The following MAGI2 variants were observed in gnomAD, a reference collection of about 807,000 sequenced individuals.
MAGI2 encodes the protein membrane associated guanylate kinase, WW and PDZ domain containing 2, also known as membrane-associated guanylate kinase, WW and PDZ domain-containing protein 2.
In MAGI2, 35 loss-of-function variants were observed where a neutral mutation model predicts 133.3. That is an observed-to-expected ratio of 0.26 (90% CI 0.20 to 0.35). The LOEUF is 0.35. Among genes scored for constraint, MAGI2 ranks in the 10% least tolerant of loss-of-function variants. The probability of loss-of-function intolerance (pLI) is 1.00; values close to 1 mark genes in which losing one functional copy is unlikely to be tolerated. For missense variants in MAGI2, 1,636 were observed against 1,863.4 expected, an observed-to-expected ratio of 0.88 and a Z score of 2.25; for synonymous variants, 729 against 710.6, an observed-to-expected ratio of 1.03 and a Z score of -0.41.
At chr7:78,719,052 C>T (rs1820000824) in intron 2 of MAGI2, among the ~76,000 whole-genome samples, 1 of 152,158 alleles carries the variant, frequency 6.6e-6, no homozygotes, top group Non-Finnish European at 1.5e-5. Flanking sequence ...ATGTTGCATC[C>T]TTATGTCTGT....
chr7:78,573,964 C>T (rs1047362741), intron 3 of MAGI2, among the ~76,000 whole-genome samples: 2 of 152,112 alleles, frequency 1.3e-5, no homozygotes, highest in African/African-American at 2.4e-5. Flanking sequence ...AAGCCCTGCC[C>T]CTGGGTATGC....
In MAGI2 at chr7:78,285,051, C is replaced by T. The variant is rs187441508; in HGVS notation, c.1409-28470G>A. Among the ~76,000 whole-genome samples the T allele has an allele frequency of 3.3e-4, 50 of 152,224 alleles. 1 individual carries two copies. The highest frequency in any genetic ancestry group is 2.0e-3 in the Admixed American group (30 of 15,270). On this transcript the variant is annotated intron_variant, in intron 9 of 21. Coordinates refer to ENST00000354212, the MANE Select transcript of MAGI2 (RefSeq NM_012301.4). ...CGGACACTCTGAATGGTTTAACAGC[C>T]GGTGAGTAACTTTGACAACTTAGGA...
chr7:78,835,232 C>T (rs143364826), intron 2 of MAGI2, among the ~76,000 whole-genome samples: 41 of 152,268 alleles, frequency 2.7e-4, no homozygotes, highest in Non-Finnish European at 4.7e-4. Flanking sequence ...CAAATCCTCA[C>T]GAACATTTAT....
At chr7:78,057,059 A>ATT (rs1812653903) in intron 21 of MAGI2, among the ~76,000 whole-genome samples, 2 of 122,924 alleles carry the variant, frequency 1.6e-5, no homozygotes, top group Non-Finnish European at 1.7e-5. Flanking sequence ...ATATATATAA[A>ATT]TTATATATAT....
At chr7:78,979,156 T>C (rs1308175497) in intron 2 of MAGI2, among the ~76,000 whole-genome samples, 1 of 151,818 alleles carries the variant, frequency 6.6e-6, no homozygotes, top group Admixed American at 6.6e-5. Context: ...TTTTGCTCTG[T>C]TATGTAACAG....
chr7:78,222,299 A>T (rs1174925243), intron 10 of MAGI2, among the ~76,000 whole-genome samples: 2 of 152,178 alleles, frequency 1.3e-5, no homozygotes, highest in African/African-American at 4.8e-5. Context: ...TACACAATCT[A>T]TCAGTAAGTT....
In MAGI2 at chr7:79,099,554, T is replaced by G. The variant is rs186748795; in HGVS notation, c.302-92348A>C. Among the ~76,000 whole-genome samples, 12 of 152,314 alleles carry G rather than the reference T, an allele frequency of 7.9e-5. No individual in the cohort carries two copies. In the Middle Eastern group the frequency reaches 0.017, roughly 216 times the overall value. ...TAAATTGCTTGTCATAAGGGATGGA[T>G]GTACAGATTATTTCACCACTCAGGT... On this transcript the variant is annotated intron_variant, in intron 1 of 21. Coordinates refer to ENST00000354212, the MANE Select transcript of MAGI2 (RefSeq NM_012301.4).
At chr7:79,033,812 T>C (rs1018661227) in intron 1 of MAGI2, among the ~76,000 whole-genome samples, 3 of 152,146 alleles carry the variant, frequency 2.0e-5, no homozygotes, top group African/African-American at 7.2e-5. Flanking sequence ...CCAGTGGTAG[T>C]GGGTGAAGTG....
chr7:79,046,514 C>T (rs777796227), intron 1 of MAGI2, among the ~76,000 whole-genome samples: 9 of 152,144 alleles, frequency 5.9e-5, no homozygotes, highest in African/African-American at 9.7e-5. Flanking sequence ...AAGTAATACA[C>T]GTGATATCTC....
chr7:79,088,685 T>C (rs934882932), intron 1 of MAGI2, among the ~76,000 whole-genome samples: 10 of 152,244 alleles, frequency 6.6e-5, no homozygotes, highest in African/African-American at 2.4e-4. Context: ...ATATGTTCCA[T>C]CAGTACCTAG....
intron 2 of MAGI2, among the ~76,000 whole-genome samples, chr7:78,851,175 C>T (rs190789738): frequency 2.6e-4 from 40 of 151,754 alleles, no homozygotes; most frequent in Admixed American, 1.5e-3. Context: ...TAATAAATAC[C>T]GTGATTACAT....
At position 79,235,667 on chromosome 7, in the gene MAGI2, G is replaced by A. The variant is rs1301006848; in HGVS notation, c.301+217353C>T. 3.3e-5 allele frequency among the ~76,000 whole-genome samples: 5 copies of A among 152,222 alleles called. No individual in the cohort carries two copies. In the East Asian group the frequency reaches 5.8e-4, roughly 18 times the overall value. ...CTGCTTCGGCTCGCGCACGGTGCGCGCACCCACTGACCTGCGCCCACTGTC... is the reference window on the plus strand; with the variant it reads ...CTGCTTCGGCTCGCGCACGGTGCGCACACCCACTGACCTGCGCCCACTGTC... On this transcript the variant is annotated intron_variant, in intron 1 of 21. Coordinates refer to ENST00000354212, the MANE Select transcript of MAGI2 (RefSeq NM_012301.4).
chr7:78,635,148 A>C (rs1359760784), intron 2 of MAGI2, among the ~76,000 whole-genome samples: 1 of 152,216 alleles, frequency 6.6e-6, no homozygotes, highest in Admixed American at 6.5e-5. Flanking sequence ...AACAAAATGC[A>C]TTATCTCCCA....
intron 5 of MAGI2, among the ~76,000 whole-genome samples, chr7:78,497,603 A>G (rs1282185248): frequency 6.6e-6 from 1 of 152,184 alleles, no homozygotes; most frequent in Non-Finnish European, 1.5e-5. Flanking sequence ...ATAAAAAAAG[A>G]CAAGTAAATG....
chr7:78,561,690 A>T (rs1182828993), intron 3 of MAGI2, among the ~76,000 whole-genome samples: 5 of 152,194 alleles, frequency 3.3e-5, no homozygotes, highest in African/African-American at 1.2e-4. Context: ...TGAATGAATG[A>T]AGCAGCAGCA....
chr7:78,455,935 G>A (rs1251195796), intron 6 of MAGI2, among the ~76,000 whole-genome samples: 1 of 151,646 alleles, frequency 6.6e-6, no homozygotes, highest in Non-Finnish European at 1.5e-5. Flanking sequence ...ATCACTTTCA[G>A]AACCTGGGTC....
At chr7:78,452,819 T>C (rs771642441) in intron 6 of MAGI2, among the ~76,000 whole-genome samples, 14 of 152,050 alleles carry the variant, frequency 9.2e-5, no homozygotes, top group Non-Finnish European at 1.8e-4. Context: ...CAAAAATACA[T>C]ACTTTTGATG....
rs777452211 is a variant in MAGI2 at position 78,167,970 on chromosome 7, C to T, written c.2542G>A (p.Ala848Thr). Residue 848 changes from alanine (A) to threonine (T), a missense_variant, in exon 15 of 22, where the codon GCA (alanine) becomes ACA (threonine). Coordinates refer to ENST00000354212, the MANE Select transcript of MAGI2 (RefSeq NM_012301.4). ...HRYVIDLMHH[A>T]ARNGQVNLTV... is the part of the protein sequence containing the mutation. ...AGGTTGACCTGCCCATTGCGGGCTG[C>T]GTGGTGCATGAGGTCGATGACATAG... 6.2e-6 allele frequency: 10 copies of T among 1,613,980 alleles called. No individual in the cohort carries two copies. The highest frequency in any genetic ancestry group is 2.7e-5 in the African/African-American group (2 of 74,886).
chr7:78,780,031 C>G (rs1826273260), intron 2 of MAGI2, among the ~76,000 whole-genome samples: 2 of 152,262 alleles, frequency 1.3e-5, no homozygotes, highest in Admixed American at 6.5e-5. Flanking sequence ...GAAATCAAAC[C>G]CTTAATTAAA....
Sources: allele counts gnomAD v4.1 joint callset (sites outside exome capture counted in the v4.1 genomes callset), GRCh38; gene constraint gnomAD v4.1.1; transcripts MANE v1.5; gene names NCBI Gene and HGNC (gene_info 2026-07-23, HGNC 2026-07-21).